Variants in NTNG2 observed in about 807,000 individuals in gnomAD.
The protein encoded by NTNG2 is netrin-G2.
NTNG2 carries 15 observed loss-of-function variants against 47.6 expected under a neutral mutation model. The ratio of observed to expected loss-of-function variants is 0.32; its 90% confidence interval spans 0.21 to 0.49. The LOEUF is 0.49. NTNG2 is among the 20% of genes least tolerant of loss of function. The probability of loss-of-function intolerance (pLI) is 0.99; values close to 1 mark genes in which losing one functional copy is unlikely to be tolerated. For missense variants in NTNG2, 578 were observed against 764.6 expected (o/e 0.76, Z 2.88); for synonymous variants, 307 against 324.6 (o/e 0.95, Z 0.58).
intron 5 of NTNG2, among the ~76,000 whole-genome samples, chr9:132,234,792 A>G (rs1321647176): frequency 6.6e-6 from 1 of 152,246 alleles, no homozygotes; most frequent in African/African-American, 2.4e-5. Context: ...TGGCGGCCTC[A>G]TCTTCCCACT....
In NTNG2 at chr9:132,197,772, T is replaced by C. The variant is rs1261486116; in HGVS notation, c.214-194T>C. 6.6e-6 allele frequency among the ~76,000 whole-genome samples: 1 copy of C among 152,124 alleles called. No homozygotes were observed. The highest frequency in any genetic ancestry group is 1.5e-5 in the Non-Finnish European group (1 of 68,020). ...GTATGCATTTTTTCTTTGGAAGCCATGGGATTGCACACCTCTGCACGCATT... is the reference window on the plus strand; with the variant it reads ...GTATGCATTTTTTCTTTGGAAGCCACGGGATTGCACACCTCTGCACGCATT... On this transcript the variant is annotated intron_variant, in intron 2 of 7. Transcript: ENST00000393229. The surrounding 1 kb of genome is among the most constrained non-coding windows in gnomAD (Gnocchi z 4.3).
At chr9:132,186,003 C>G (rs916870634) in intron 2 of NTNG2, among the ~76,000 whole-genome samples, 2 of 152,192 alleles carry the variant, frequency 1.3e-5, no homozygotes, top group Non-Finnish European at 2.9e-5. Context: ...TAGCCTCACC[C>G]GGCCTCCCTC....
chr9:132,210,095 G>C (rs1271215380), intron 3 of NTNG2, among the ~76,000 whole-genome samples: 2 of 152,068 alleles, frequency 1.3e-5, no homozygotes, highest in Non-Finnish European at 2.9e-5. Context: ...ACAACCCAGG[G>C]TGGCCCACCC....
chr9:132,170,242 A>G (rs188209307), intron 2 of NTNG2, among the ~76,000 whole-genome samples: 1 of 152,202 alleles, frequency 6.6e-6, no homozygotes, highest in Admixed American at 6.5e-5. Context: ...TGAATTGTAA[A>G]TTCCAGCCTT....
chr9:132,224,966 A>G (rs1287389581), intron 3 of NTNG2, among the ~76,000 whole-genome samples: 1 of 151,724 alleles, frequency 6.6e-6, no homozygotes, highest in Non-Finnish European at 1.5e-5. Context: ...TCTGTCTCCC[A>G]GGCTGGAGTG....
In NTNG2 at chr9:132,236,237, G is replaced by T. The variant is rs550942277; in HGVS notation, c.1055-2867G>T. On this transcript the variant is annotated intron_variant, in intron 5 of 7. Coordinates refer to ENST00000393229, the MANE Select transcript of NTNG2 (RefSeq NM_032536.4). This position sits in a 1 kb window ranked among gnomAD's most constrained non-coding sequence, Gnocchi z 4.3. ...GGCCGCAGGGCCAGCCGGGGCAAAG[G>T]CTTGGCAGTGGGATGGCAGGGAGCC... is the stretch of plus-strand genomic sequence containing the variant. 1.3e-5 allele frequency among the ~76,000 whole-genome samples: 2 copies of T among 152,348 alleles called. No individual in the cohort carries two copies. Among genetic ancestry groups the T allele is most frequent in the South Asian group, 4.1e-4 (2 of 4,834 alleles).
At chr9:132,200,987 A>C (rs1269186344) in intron 3 of NTNG2, among the ~76,000 whole-genome samples, 1 of 152,246 alleles carries the variant, frequency 6.6e-6, no homozygotes, top group Non-Finnish European at 1.5e-5. Context: ...AGGGCTGGGA[A>C]CCAGCTCCCC....
At chr9:132,223,747 G>A (rs1025743776) in intron 3 of NTNG2, among the ~76,000 whole-genome samples, 1 of 152,168 alleles carries the variant, frequency 6.6e-6, no homozygotes, top group African/African-American at 2.4e-5. Flanking sequence ...GCCTCTATTC[G>A]CAGGATCTCA....
chr9:132,176,737 T>C (rs1836489509), intron 2 of NTNG2, among the ~76,000 whole-genome samples: 2 of 152,218 alleles, frequency 1.3e-5, no homozygotes, highest in African/African-American at 4.8e-5. Flanking sequence ...CACAAGGTAA[T>C]TCTATGTGTA....
chr9:132,241,140 G>C, intron 7 of NTNG2, 96 bp downstream of exon 7: 1 of 1,403,798 alleles, frequency 7.1e-7, no homozygotes, highest in Non-Finnish European at 9.4e-7. Flanking sequence ...GGGCAGGGGC[G>C]GTGGACTGGG....
intron 2 of NTNG2, among the ~76,000 whole-genome samples, chr9:132,170,893 G>C (rs561607782): frequency 6.6e-6 from 1 of 152,172 alleles, no homozygotes; most frequent in Non-Finnish European, 1.5e-5. Flanking sequence ...TCTCTGGAGC[G>C]CTGGGGTGGG....
At chr9:132,185,209 C>T (rs1214855732) in intron 2 of NTNG2, among the ~76,000 whole-genome samples, 1 of 152,216 alleles carries the variant, frequency 6.6e-6, no homozygotes, top group Non-Finnish European at 1.5e-5. Context: ...CCTCTTTCAG[C>T]TGATGCTTCC....
At chr9:132,241,803 T>C in intron 7 of NTNG2, 73 bp from the exon 8 acceptor site, 2 of 1,202,724 alleles carry the variant, frequency 1.7e-6, no homozygotes, top group Non-Finnish European at 2.3e-6. Flanking sequence ...TCGCACACCC[T>C]GCTTCGCAGG....
intron 6 of NTNG2, 195 bp from the exon 7 acceptor site, chr9:132,240,715 A>C (rs1467567296): frequency 4.3e-6 from 3 of 703,088 alleles, no homozygotes; most frequent in South Asian, 3.7e-5. Flanking sequence ...GAAGGAAGCC[A>C]GAGTCTTCTC....
At chr9:132,192,797 G>A (rs1345014541) in intron 2 of NTNG2, among the ~76,000 whole-genome samples, 1 of 152,152 alleles carries the variant, frequency 6.6e-6, no homozygotes, top group East Asian at 1.9e-4. Context: ...AAGAGGGAGA[G>A]AGAAAATTGT....
chr9:132,172,236 C>A (rs1268551860), intron 2 of NTNG2, among the ~76,000 whole-genome samples: 2 of 152,258 alleles, frequency 1.3e-5, no homozygotes, highest in East Asian at 3.9e-4. Context: ...CAGGTTGGAC[C>A]CTACCTCCTC....
chr9:132,240,939 C>T lies in NTNG2; in HGVS notation c.1252C>T (p.His418Tyr), dbSNP rs1318988761. 6.2e-7 allele frequency: 1 copy of T among 1,612,768 alleles called. No individual in the cohort carries two copies. Among genetic ancestry groups the T allele is most frequent in the South Asian group, 1.1e-5 (1 of 91,080 alleles). The change falls in exon 7 of 8, where the codon CAC becomes TAC. Residue 418 changes from histidine (H) to tyrosine (Y), a missense_variant. Transcript: ENST00000393229. ...ECNCNQIGSV[H>Y]DRCNETGFCE... is the part of the protein sequence containing the mutation. ...TAACTGCAACCAGATAGGCTCCGTG[C>T]ACGACCGGTGCAACGAGACCGGCTT...
At chr9:132,187,699 G>A (rs185306204) in intron 2 of NTNG2, among the ~76,000 whole-genome samples, 72 of 152,230 alleles carry the variant, frequency 4.7e-4, no homozygotes, top group African/African-American at 1.5e-3. Flanking sequence ...CTCCGTTTCC[G>A]CTTTGTTAAT....
At chr9:132,203,993 C>T (rs7044350) in intron 3 of NTNG2, among the ~76,000 whole-genome samples, 1 of 152,152 alleles carries the variant, frequency 6.6e-6, no homozygotes, top group African/African-American at 2.4e-5. Context: ...AGGTCCTTTG[C>T]ACCAAATTAA....
Sources: allele counts gnomAD v4.1 joint callset (sites outside exome capture counted in the v4.1 genomes callset), GRCh38; gene constraint gnomAD v4.1.1; non-coding constraint Gnocchi (gnomAD v3.1); transcripts MANE v1.5; gene names NCBI Gene and HGNC (gene_info 2026-07-23, HGNC 2026-07-21).